CD8A: variants seen among roughly 807,000 people sequenced by gnomAD.
The protein encoded by CD8A is T-cell surface glycoprotein CD8 alpha chain.
CD8A carries 25 observed loss-of-function variants against 24.2 expected under a neutral mutation model. The observed-to-expected ratio is 1.03, with a 90% CI of 0.75 to 1.44. The LOEUF is 1.44. Among genes scored for constraint, CD8A ranks in the 40% most tolerant of loss-of-function variants. The pLI, the probability that CD8A is intolerant of heterozygous loss-of-function variation, is 0.00. For synonymous variants in CD8A, 165 were observed against 149.9 expected (o/e 1.10, Z -0.74); for missense variants, 360 against 319.7 (o/e 1.13, Z -0.96).
At chr2:86,794,583 C>G (rs1673420361), upstream of CD8A, among the ~76,000 whole-genome samples, 1 of 152,190 alleles carries the variant, frequency 6.6e-6, no homozygotes, top group Non-Finnish European at 1.5e-5. Context: ...TTCTTTTCCT[C>G]CACCCCGAGT....
intron 5 of CD8A, among the ~76,000 whole-genome samples, chr2:86,787,877 C>A (rs1438330022): frequency 8.2e-6 from 1 of 121,326 alleles, no homozygotes; most frequent in Non-Finnish European, 1.8e-5. Context: ...AGGTTTTTAA[C>A]AGAGAGGGAG....
chr2:86,788,412 A>G, intron 5 of CD8A, 118 bp downstream of exon 5: 1 of 816,292 alleles, frequency 1.2e-6, no homozygotes, highest in South Asian at 1.4e-5. Context: ...TCCCTGCCCC[A>G]GGATTTCACG....
At position 86,788,418 on chromosome 2, in the gene CD8A, T is replaced by C. The variant is rs568934266; in HGVS notation, c.656+112A>G. The C allele has an allele frequency of 7.6e-4, 648 of 852,134 alleles. 6 individuals are homozygous for C. The highest frequency in any genetic ancestry group is 2.1e-3 in the South Asian group (152 of 71,014). 52.8% of individuals were successfully genotyped at this position (852,134 alleles called of 1,614,324 possible). On this transcript the variant is annotated intron_variant, in intron 5 of 5. Coordinates refer to ENST00000283635, the MANE Select transcript of CD8A (RefSeq NM_001768.7). ...CTGGCTGACTCCCTGCCCCAGGATT[T>C]CACGGCCATGACCTCTCTCTGGGAA... is the stretch of plus-strand genomic sequence containing the variant.
At chr2:86,786,821 C>T (rs1266342628) in intron 5 of CD8A, among the ~76,000 whole-genome samples, 1 of 151,728 alleles carries the variant, frequency 6.6e-6, no homozygotes, top group African/African-American at 2.4e-5. Context: ...GAGATCGAGA[C>T]CATCCTGGCT....
intron 1 of CD8A, 43 bp downstream of exon 1, chr2:86,790,734 C>T (rs746557780): frequency 6.5e-7 from 1 of 1,527,384 alleles, no homozygotes; most frequent in South Asian, 1.2e-5. Flanking sequence ...CCCCCGCCCC[C>T]CGCCCGCCCC....
intron 2 of CD8A, among the ~76,000 whole-genome samples, chr2:86,803,612 C>T (rs745353922): frequency 1.3e-5 from 2 of 152,196 alleles, no homozygotes; most frequent in Admixed American, 6.5e-5. Context: ...AGTGCAGTGG[C>T]GCAATTTTGG....
intron 2 of CD8A, among the ~76,000 whole-genome samples, chr2:86,802,612 CTT>C (rs1673712301): frequency 6.6e-6 from 1 of 151,912 alleles, no homozygotes; most frequent in Admixed American, 6.6e-5. Context: ...TGTTTTTACT[CTT>C]TATTTTTTTG....
intron 3 of CD8A, among the ~76,000 whole-genome samples, chr2:86,799,667 A>C (rs1363203485): frequency 6.6e-6 from 1 of 152,064 alleles, no homozygotes. Context: ...GCGGCAGGAG[A>C]ATGGCTTGAA....
At chr2:86,802,272 T>A (rs1427547937) in intron 2 of CD8A, among the ~76,000 whole-genome samples, 3 of 152,104 alleles carry the variant, frequency 2.0e-5, no homozygotes, top group Non-Finnish European at 4.4e-5. Flanking sequence ...TCCTGAACTC[T>A]AGTAATCTGC....
chr2:86,797,219 G>T (rs1198014632), intron 3 of CD8A, among the ~76,000 whole-genome samples: 1 of 152,222 alleles, frequency 6.6e-6, no homozygotes, highest in Non-Finnish European at 1.5e-5. Context: ...TGGGGATGTA[G>T]CCTTGGGAAG....
At chr2:86,787,898 A>AGAGAGAGAGAGAGAGTGTGTGTGT (rs369993109) in intron 5 of CD8A, among the ~76,000 whole-genome samples, 2 of 144,488 alleles carry the variant, frequency 1.4e-5, no homozygotes, top group African/African-American at 5.1e-5. Context: ...AGAGAGAGAG[A>AGAGAGAGAGAGAGAGTGTGTGTGT]GTGTGTGTGT....
At position 86,790,452 on chromosome 2, in the gene CD8A, C is replaced by A. The variant is rs2229240; in HGVS notation, c.279G>T (p.Arg93Ser). 76 of 1,614,058 alleles carry A rather than the reference C, an allele frequency of 4.7e-5. 1 individual carries two copies. Among genetic ancestry groups the A allele is most frequent in the Non-Finnish European group, 1.0e-5 (12 of 1,180,036 alleles). The change falls in exon 2 of 6, where the codon AGG becomes AGT. Residue 93 changes from arginine to serine, a missense_variant. Coordinates refer to ENST00000283635, the MANE Select transcript of CD8A (RefSeq NM_001768.7). The stretch of plus-strand genomic sequence containing the variant: ...GGGTGAGGACGAAGGTGTCCCCCAA[C>A]CTCTTGCCCGAGAACCGCTGGGTGT... ...GLDTQRFSGK[R>S]LGDTFVLTLS...
chr2:86,804,995 GT>G, intron 2 of CD8A, among the ~76,000 whole-genome samples: 1 of 151,732 alleles, frequency 6.6e-6, no homozygotes, highest in East Asian at 1.9e-4. Flanking sequence ...TAGAGACAGA[GT>G]TTTGCCATGT....
intron 4 of CD8A, 95 bp from the exon 5 acceptor site, chr2:86,788,655 G>T: frequency 8.3e-7 from 1 of 1,203,012 alleles, no homozygotes; most frequent in Non-Finnish European, 1.2e-6. Context: ...TGTTGTTGCT[G>T]CTGTTTTTTG....
chr2:86,792,635 C>G (rs145337578), upstream of CD8A, among the ~76,000 whole-genome samples: 1 of 152,004 alleles, frequency 6.6e-6, no homozygotes, highest in Non-Finnish European at 1.5e-5. Context: ...GCTGGGACCA[C>G]AGGAGCACAC....
At chr2:86,787,620 A>T (rs1673070617) in intron 5 of CD8A, among the ~76,000 whole-genome samples, 1 of 152,134 alleles carries the variant, frequency 6.6e-6, no homozygotes, top group South Asian at 2.1e-4. Flanking sequence ...TTGTCATAAA[A>T]CTTAAAATTA....
chr2:86,805,183 T>A (rs1239141438), intron 2 of CD8A, among the ~76,000 whole-genome samples: 1 of 152,172 alleles, frequency 6.6e-6, no homozygotes, highest in East Asian at 1.9e-4. Context: ...AAAGGTTTAA[T>A]GACAACTGCC....
chr2:86,797,354 A>T (rs1038221439), intron 3 of CD8A, among the ~76,000 whole-genome samples: 1 of 152,318 alleles, frequency 6.6e-6, no homozygotes, highest in Admixed American at 6.5e-5. Flanking sequence ...AACATTGGCA[A>T]GGAATCCAGG....
intron 2 of CD8A, among the ~76,000 whole-genome samples, chr2:86,806,348 A>G (rs1330301545): frequency 6.6e-6 from 1 of 152,182 alleles, no homozygotes; most frequent in African/African-American, 2.4e-5. Context: ...TTCTAGGACT[A>G]TAGAAGGAGA....
Sources: allele counts gnomAD v4.1 joint callset (sites outside exome capture counted in the v4.1 genomes callset), GRCh38; gene constraint gnomAD v4.1.1; transcripts MANE v1.5; gene names NCBI Gene and HGNC (gene_info 2026-07-23, HGNC 2026-07-21).